TMTC2: variants seen among roughly 807,000 people sequenced by gnomAD.
TMTC2 encodes the protein transmembrane O-mannosyltransferase targeting cadherins 2, also known as protein O-mannosyl-transferase TMTC2.
In TMTC2, 43 loss-of-function variants were observed where a neutral mutation model predicts 82.4. That is an observed-to-expected ratio of 0.52 (90% CI 0.41 to 0.67). TMTC2 has a LOEUF of 0.67. TMTC2 is among the 30% of genes least tolerant of loss of function. The probability of loss-of-function intolerance (pLI) is 0.00; values close to 1 mark genes in which losing one functional copy is unlikely to be tolerated. For missense variants in TMTC2, 919 were observed against 1,012.4 expected (o/e 0.91, Z 1.25); for synonymous variants, 408 against 381.9 (o/e 1.07, Z -0.80).
intron 11 of TMTC2, among the ~76,000 whole-genome samples, chr12:83,072,849 G>A (rs1274948183): frequency 6.6e-6 from 1 of 152,034 alleles, no homozygotes; most frequent in Non-Finnish European, 1.5e-5. Context: ...CCATTCTCAT[G>A]AAATGCCTTT....
chr12:82,809,372 G>A (rs908006989), intron 1 of TMTC2, among the ~76,000 whole-genome samples: 27 of 152,000 alleles, frequency 1.8e-4, no homozygotes, highest in Admixed American at 1.6e-3. Context: ...AGTGAAATAT[G>A]TGTAGCCAAT....
intron 4 of TMTC2, among the ~76,000 whole-genome samples, chr12:82,943,317 G>A (rs1876823906): frequency 6.6e-6 from 1 of 152,196 alleles, no homozygotes; most frequent in African/African-American, 2.4e-5. Context: ...ACAGCCTGAT[G>A]CTATGAAACC....
At chr12:83,096,289 C>G (rs1442462553) in intron 11 of TMTC2, among the ~76,000 whole-genome samples, 1 of 152,222 alleles carries the variant, frequency 6.6e-6, no homozygotes, top group Non-Finnish European at 1.5e-5. Flanking sequence ...CACTGAAGTC[C>G]TTCACTTGGC....
chr12:82,966,039 A>G, intron 6 of TMTC2: 1 of 388,268 alleles, frequency 2.6e-6, no homozygotes, highest in Non-Finnish European at 4.7e-6. Context: ...ATGGGGAAAT[A>G]ACATGTAATG....
intron 11 of TMTC2, among the ~76,000 whole-genome samples, chr12:83,089,827 AAAAAAC>A (rs1201707889): frequency 1.7e-4 from 24 of 141,242 alleles, no homozygotes; most frequent in Middle Eastern, 3.6e-3. Flanking sequence ...ATAATAGCAA[AAAAAAC>A]AAAAAACAAA....
intron 11 of TMTC2, among the ~76,000 whole-genome samples, chr12:83,078,501 T>C (rs932404137): frequency 5.9e-5 from 9 of 152,118 alleles, no homozygotes; most frequent in Admixed American, 6.6e-5. Flanking sequence ...GGAAAAAATA[T>C]GTGCTGCAAA....
chr12:82,713,812 A>G (rs866655697), intron 1 of TMTC2, among the ~76,000 whole-genome samples: 3 of 152,306 alleles, frequency 2.0e-5, no homozygotes, highest in South Asian at 4.1e-4. Flanking sequence ...AGTAGTTTTG[A>G]GAGGATGGAT....
Position 83,113,135 on chromosome 12 carries a change from G to T in TMTC2, c.2332-19075G>T, listed in dbSNP as rs544868526. On this transcript the variant is annotated intron_variant, in intron 11 of 11. Transcript: ENST00000321196. ...TCTAGGTCTGTGTGATTGCTTTATT[G>T]ATTGCTGGTTACTTCCTTGCTTCCT... 2.0e-5 allele frequency among the ~76,000 whole-genome samples: 3 copies of T among 152,284 alleles called. No homozygotes were observed. The East Asian group carries it at 5.8e-4, about 29-fold the overall frequency.
intron 3 of TMTC2, among the ~76,000 whole-genome samples, chr12:82,915,834 A>G (rs1463612111): frequency 6.6e-6 from 1 of 152,142 alleles, no homozygotes; most frequent in Non-Finnish European, 1.5e-5. Flanking sequence ...GGCAACTTGT[A>G]CTCTTTGGGA....
At chr12:82,741,845 C>T (rs988027627) in intron 1 of TMTC2, among the ~76,000 whole-genome samples, 11 of 152,170 alleles carry the variant, frequency 7.2e-5, no homozygotes, top group African/African-American at 2.6e-4. Flanking sequence ...GGTCCTTAGA[C>T]CTATGTGGAG....
At chr12:82,698,724 T>C (rs1171620752) in intron 1 of TMTC2, among the ~76,000 whole-genome samples, 2 of 152,056 alleles carry the variant, frequency 1.3e-5, no homozygotes, top group African/African-American at 4.8e-5. Context: ...AATAACAAAA[T>C]AGAACAGTTA....
chr12:82,760,007 A>C (rs1206202622), intron 1 of TMTC2: 3 of 152,122 alleles, frequency 2.0e-5, no homozygotes, highest in Non-Finnish European at 4.4e-5. Context: ...TTAACTGATG[A>C]ATGGGTGGTG....
chr12:82,744,762 C>T (rs1025244970), intron 1 of TMTC2, among the ~76,000 whole-genome samples: 1 of 152,100 alleles, frequency 6.6e-6, no homozygotes, highest in Non-Finnish European at 1.5e-5. Context: ...TAAAAGTTGC[C>T]TCTGGCAGGG....
intron 2 of TMTC2, among the ~76,000 whole-genome samples, chr12:82,883,948 G>T (rs533528884): frequency 2.6e-5 from 4 of 152,134 alleles, no homozygotes; most frequent in Non-Finnish European, 5.9e-5. Context: ...TCTTCATAAA[G>T]GCTGGATTGT....
intron 1 of TMTC2, among the ~76,000 whole-genome samples, chr12:82,811,615 T>C (rs1868394852): frequency 6.6e-6 from 1 of 151,968 alleles, no homozygotes; most frequent in Admixed American, 6.6e-5. Context: ...GTTTCATATA[T>C]TTGCAAATCA....
At chr12:83,064,456 G>A (rs1322965310) in intron 11 of TMTC2, among the ~76,000 whole-genome samples, 1 of 151,806 alleles carries the variant, frequency 6.6e-6, no homozygotes, top group African/African-American at 2.4e-5. Context: ...AAATGGATGG[G>A]ATAGAATAAA....
intron 8 of TMTC2, among the ~76,000 whole-genome samples, chr12:83,026,084 G>A (rs1024329525): frequency 1.3e-5 from 2 of 152,146 alleles, no homozygotes; most frequent in Admixed American, 1.3e-4. Context: ...AGAATTGTGG[G>A]AAGGGGTGGA....
chr12:82,937,877 G>A (rs568497539), intron 4 of TMTC2, among the ~76,000 whole-genome samples: 1 of 146,924 alleles, frequency 6.8e-6, no homozygotes, highest in South Asian at 2.2e-4. Context: ...AAAGAAAGAT[G>A]TGGTGAAGAA....
chr12:83,124,717 A>G (rs1000973834), intron 11 of TMTC2, among the ~76,000 whole-genome samples: 2 of 152,142 alleles, frequency 1.3e-5, no homozygotes, highest in African/African-American at 4.8e-5. Context: ...CATTGAGAGA[A>G]TGTTTTGGAT....
Sources: gnomAD v4.1 joint callset for allele counts (sites outside exome capture counted in the v4.1 genomes callset) on GRCh38, gnomAD v4.1.1 for gene constraint, MANE v1.5 for transcripts, NCBI Gene and HGNC (gene_info 2026-07-23, HGNC 2026-07-21) for gene names.